SLC20A2: variants seen among roughly 807,000 people sequenced by gnomAD.
SLC20A2 encodes the protein sodium-dependent phosphate transporter 2.
A neutral mutation model predicts 61.0 loss-of-function variants in SLC20A2; 30 were observed. That is an observed-to-expected ratio of 0.49 (90% CI 0.37 to 0.67). The LOEUF is 0.67. SLC20A2 is among the 30% of genes least tolerant of loss of function. The pLI is 0.00. For synonymous variants in SLC20A2, 351 were observed against 353.3 expected (o/e 0.99, Z 0.07); for missense variants, 626 against 866.4 (o/e 0.72, Z 3.48).
intron 8 of SLC20A2, among the ~76,000 whole-genome samples, chr8:42,436,297 A>ACGGC (rs1804247998): frequency 6.6e-6 from 1 of 151,882 alleles, no homozygotes; most frequent in Non-Finnish European, 1.5e-5. Flanking sequence ...TCGGGCGTAC[A>ACGGC]CGGCCGCTGC....
intron 1 of SLC20A2, among the ~76,000 whole-genome samples, chr8:42,507,885 C>T (rs1003609190): frequency 2.6e-5 from 4 of 152,192 alleles, no homozygotes; most frequent in Non-Finnish European, 4.4e-5. Context: ...GCTGGCCCGG[C>T]GCGGTGGCTC....
At chr8:42,519,949 A>G (rs1297078198) in intron 1 of SLC20A2, among the ~76,000 whole-genome samples, 1 of 151,208 alleles carries the variant, frequency 6.6e-6, no homozygotes, top group Non-Finnish European at 1.5e-5. Context: ...ATCAGTTGAA[A>G]TGTTGCCGGA....
intron 8 of SLC20A2, 77 bp from the exon 9 acceptor site, chr8:42,430,326 T>C (rs1803752192): frequency 5.6e-6 from 7 of 1,246,460 alleles, no homozygotes; most frequent in South Asian, 4.6e-5. Flanking sequence ...CTTTGTTTTA[T>C]TGTGCTTCAC....
chr8:42,417,813 G>A lies in SLC20A2; in HGVS notation c.1949C>T (p.Pro650Leu). ...VMALLMYGIL[P>L]YV ...CTGGAAGAAGACAAATCACACATAT[G>A]GAAGGATCCCATACATGAGAAGAGC... The change falls in exon 11 of 11, where the codon CCA (proline) becomes CTA (leucine). Residue 650 changes from proline to leucine, a missense_variant. By Grantham distance (98) the Pro-to-Leu change is moderately conservative (BLOSUM62 -3). This residue lies in a region of SLC20A2 where 138 missense variants were observed against 228.7 expected (regional missense o/e 0.60). Transcript: ENST00000520262. 1 of 1,614,016 alleles carries A rather than the reference G, an allele frequency of 6.2e-7. No homozygotes were observed.
intron 6 of SLC20A2, among the ~76,000 whole-genome samples, chr8:42,442,768 G>A (rs1804878772): frequency 6.6e-6 from 1 of 152,184 alleles, no homozygotes; most frequent in Non-Finnish European, 1.5e-5. Flanking sequence ...AAAGTCTAGA[G>A]ATGAATCTAA....
At chr8:42,432,166 A>C (rs1020110427) in intron 8 of SLC20A2, among the ~76,000 whole-genome samples, 12 of 152,202 alleles carry the variant, frequency 7.9e-5, no homozygotes, top group Admixed American at 7.9e-4. Flanking sequence ...TCCAGATGCC[A>C]TTAGAACATT....
chr8:42,502,773 A>G (rs913067585), upstream of SLC20A2: 2 of 152,232 alleles, frequency 1.3e-5, no homozygotes, highest in African/African-American at 2.4e-5. Flanking sequence ...CTCATCAAAG[A>G]TGGCTAGCTG....
At chr8:42,467,617 A>C (rs1807278955) in intron 2 of SLC20A2, among the ~76,000 whole-genome samples, 1 of 152,218 alleles carries the variant, frequency 6.6e-6, no homozygotes, top group Non-Finnish European at 1.5e-5. Flanking sequence ...GACCCAGTCC[A>C]TGAAGCAACA....
intron 1 of SLC20A2, among the ~76,000 whole-genome samples, chr8:42,538,767 T>C (rs1450563996): frequency 2.0e-5 from 3 of 152,376 alleles, no homozygotes; most frequent in Non-Finnish European, 2.9e-5. Flanking sequence ...AAATGCCTTA[T>C]GAACAGGAGC....
At position 42,465,869 on chromosome 8, in the gene SLC20A2, G is replaced by C. The variant is rs886041397; in HGVS notation, c.338C>G (p.Ser113Ter). The part of the protein sequence containing the change: ...LIASFLRLPI[S>*]GTHCIVGSTI... Reference sequence around the variant, plus strand: ...AGAACCCACAATGCAGTGCGTTCCTGAGATTGGAAGCCTCAGGAAGGAAGC... The same window carrying C: ...AGAACCCACAATGCAGTGCGTTCCTCAGATTGGAAGCCTCAGGAAGGAAGC... The change falls in exon 3 of 11, where the codon TCA becomes TGA. Residue 113 changes from serine (S) to a stop codon, truncating the protein, a stop_gained. Transcript: ENST00000520262. LOFTEE classifies it high-confidence loss of function. 2 of 1,613,840 alleles carry C rather than the reference G, an allele frequency of 1.2e-6. No homozygotes were observed. The highest frequency in any genetic ancestry group is 1.7e-6 in the Non-Finnish European group (2 of 1,179,900).
chr8:42,489,003 A>G (rs1428744134), intron 1 of SLC20A2, among the ~76,000 whole-genome samples: 2 of 132,360 alleles, frequency 1.5e-5, no homozygotes, highest in Non-Finnish European at 3.1e-5. Flanking sequence ...GCAATGGTGC[A>G]GTCTTGGCTC....
chr8:42,535,424 TA>T (rs781487051), intron 1 of SLC20A2: 2 of 152,164 alleles, frequency 1.3e-5, no homozygotes, highest in African/African-American at 2.4e-5. Context: ...GTATTTCAGC[TA>T]AGACTGAAAA....
chr8:42,458,448 A>AC (rs1273965688), intron 5 of SLC20A2, among the ~76,000 whole-genome samples: 1 of 151,256 alleles, frequency 6.6e-6, no homozygotes, highest in Admixed American at 6.6e-5. Flanking sequence ...CAATATAGAG[A>AC]CCCCATCTCT....
upstream of SLC20A2, among the ~76,000 whole-genome samples, chr8:42,504,308 G>C (rs1194149816): frequency 6.6e-6 from 1 of 152,026 alleles, no homozygotes; most frequent in East Asian, 1.9e-4. Context: ...ATTCTTCTGG[G>C]GAGATAACTT....
chr8:42,538,257 A>G (rs1812834792), intron 1 of SLC20A2: 1 of 148,410 alleles, frequency 6.7e-6, no homozygotes, highest in Non-Finnish European at 1.5e-5. Flanking sequence ...TACATATATT[A>G]CATTATATAT....
chr8:42,449,574 G>C (rs576745027), intron 5 of SLC20A2, among the ~76,000 whole-genome samples: 1 of 152,210 alleles, frequency 6.6e-6, no homozygotes, highest in African/African-American at 2.4e-5. Flanking sequence ...GACCAATAAG[G>C]CTTTAGTCTA....
intron 5 of SLC20A2, among the ~76,000 whole-genome samples, chr8:42,445,411 A>C (rs951733419): frequency 6.6e-6 from 1 of 152,132 alleles, no homozygotes; most frequent in African/African-American, 2.4e-5. Context: ...AAATGGCTGC[A>C]CAACAAATGT....
chr8:42,474,777 C>T (rs972703346), intron 1 of SLC20A2, among the ~76,000 whole-genome samples: 9 of 152,192 alleles, frequency 5.9e-5, no homozygotes, highest in Non-Finnish European at 1.2e-4. Context: ...CATAGCAACA[C>T]ATAAATGTCT....
At chr8:42,431,037 C>T (rs529776821) in intron 8 of SLC20A2, among the ~76,000 whole-genome samples, 2 of 152,282 alleles carry the variant, frequency 1.3e-5, no homozygotes, top group South Asian at 4.1e-4. Flanking sequence ...AATTACCGTA[C>T]AGTGCCCTCT....
Sources: allele counts gnomAD v4.1 joint callset (sites outside exome capture counted in the v4.1 genomes callset), GRCh38; gene constraint gnomAD v4.1.1; regional missense constraint gnomAD v4.1.1; transcripts MANE v1.5; gene names NCBI Gene and HGNC (gene_info 2026-07-23, HGNC 2026-07-21).